Variants in SMIM36 observed in about 807,000 individuals in gnomAD.
SMIM36 encodes the protein small integral membrane protein 36.
chr17:55,468,715 T>C (rs760361261), intron 3 of SMIM36, among the ~76,000 whole-genome samples: 21 of 152,136 alleles, frequency 1.4e-4, no homozygotes, highest in Non-Finnish European at 1.6e-4. Context: ...CTTACCTCCT[T>C]ACTATGGGCA....
At chr17:55,516,175 A>T (rs1321354738), upstream of SMIM36, among the ~76,000 whole-genome samples, 1 of 152,242 alleles carries the variant, frequency 6.6e-6, no homozygotes, top group Non-Finnish European at 1.5e-5. Context: ...AAAAAATATA[A>T]AAACCTACAA....
intron 1 of SMIM36, among the ~76,000 whole-genome samples, chr17:55,484,113 A>G (rs577339244): frequency 7.0e-4 from 107 of 152,322 alleles, no homozygotes; most frequent in East Asian, 6.2e-3. Flanking sequence ...ATAATGATAC[A>G]AAATTTTTTA....
At chr17:55,460,677 G>A (rs1909132385) in intron 4 of SMIM36, among the ~76,000 whole-genome samples, 1 of 152,032 alleles carries the variant, frequency 6.6e-6, no homozygotes, top group Non-Finnish European at 1.5e-5. Flanking sequence ...CTAAAACGGT[G>A]AAACCCATCT....
chr17:55,501,427 AT>A (rs1252999180), intron 1 of SMIM36, among the ~76,000 whole-genome samples: 2 of 45,788 alleles, frequency 4.4e-5, no homozygotes, highest in African/African-American at 1.7e-4. Flanking sequence ...AATATAATAT[AT>A]TATTATATAT....
intron 4 of SMIM36, among the ~76,000 whole-genome samples, chr17:55,453,023 C>A (rs1908949060): frequency 1.3e-5 from 2 of 152,126 alleles, no homozygotes; most frequent in African/African-American, 4.8e-5. Context: ...AATGTGAGAC[C>A]ACGGGCTGGG....
intron 4 of SMIM36, among the ~76,000 whole-genome samples, chr17:55,463,849 C>T (rs1024602597): frequency 3.3e-5 from 5 of 151,888 alleles, no homozygotes; most frequent in Non-Finnish European, 7.4e-5. Flanking sequence ...TGTTGAAGGC[C>T]GGGCACCTGT....
At chr17:55,529,830 A>G in the SMIM36 span, among the ~76,000 whole-genome samples, 2 of 152,178 alleles carry the variant, frequency 1.3e-5, no homozygotes, top group African/African-American at 2.4e-5. Context: ...CACATTTTAT[A>G]TAATACTGAA....
intron 1 of SMIM36, among the ~76,000 whole-genome samples, chr17:55,497,166 A>G (rs1909824120): frequency 6.6e-6 from 1 of 152,054 alleles, no homozygotes; most frequent in Admixed American, 6.6e-5. Flanking sequence ...TTTTACCTCT[A>G]TTCCTCTCAA....
chr17:55,509,638 A>C (rs1910146083), intron 1 of SMIM36, among the ~76,000 whole-genome samples: 1 of 152,184 alleles, frequency 6.6e-6, no homozygotes, highest in East Asian at 1.9e-4. Flanking sequence ...CAAAGATCAT[A>C]TGGCAGGGTC....
At chr17:55,462,143 G>A (rs1168776340) in intron 4 of SMIM36, among the ~76,000 whole-genome samples, 1 of 152,182 alleles carries the variant, frequency 6.6e-6, no homozygotes, top group African/African-American at 2.4e-5. Context: ...TAGATGGATA[G>A]ACTTGGGTTT....
intron 1 of SMIM36, among the ~76,000 whole-genome samples, chr17:55,508,620 C>T (rs1910125754): frequency 6.6e-6 from 1 of 151,310 alleles, no homozygotes; most frequent in Non-Finnish European, 1.5e-5. Context: ...TTTATATTTT[C>T]ATTATAAAAG....
chr17:55,516,599 C>G, the SMIM36 span, among the ~76,000 whole-genome samples: 1 of 142,142 alleles, frequency 7.0e-6, no homozygotes, highest in Non-Finnish European at 1.5e-5. Flanking sequence ...CACTCTGTCA[C>G]CCAGGCTGGA....
At chr17:55,470,757 C>T (rs1284988535) in intron 3 of SMIM36, among the ~76,000 whole-genome samples, 2 of 152,110 alleles carry the variant, frequency 1.3e-5, no homozygotes, top group Non-Finnish European at 2.9e-5. Flanking sequence ...TCTATTCCCT[C>T]CTTGGTGACC....
At chr17:55,498,654 A>G (rs1598456341) in intron 1 of SMIM36, among the ~76,000 whole-genome samples, 1 of 151,690 alleles carries the variant, frequency 6.6e-6, no homozygotes, top group South Asian at 2.1e-4. Flanking sequence ...CTCAAGGTAT[A>G]TATCATTTTT....
chr17:55,461,581 AAC>A (rs1279013157), intron 4 of SMIM36, among the ~76,000 whole-genome samples: 2 of 152,168 alleles, frequency 1.3e-5, no homozygotes, highest in African/African-American at 4.8e-5. Flanking sequence ...CAGCCTGGAC[AAC>A]AGAGTGAAAC....
chr17:55,526,371 C>G, the SMIM36 span, among the ~76,000 whole-genome samples: 1 of 152,022 alleles, frequency 6.6e-6, no homozygotes, highest in Non-Finnish European at 1.5e-5. Flanking sequence ...GTTGGCCAGA[C>G]TGGTCTTGAA....
At chr17:55,479,214 G>A (rs979979223) in intron 2 of SMIM36, among the ~76,000 whole-genome samples, 12 of 152,208 alleles carry the variant, frequency 7.9e-5, no homozygotes, top group African/African-American at 2.4e-4. Context: ...GTATAGGAAT[G>A]GAATGTATCC....
chr17:55,515,093 T>G (rs1910249026), upstream of SMIM36, among the ~76,000 whole-genome samples: 1 of 103,008 alleles, frequency 9.7e-6, no homozygotes, highest in Middle Eastern at 3.9e-3. Context: ...AGTGTTTTTT[T>G]TTTTTTTTTT....
At chr17:55,492,614 C>A in intron 1 of SMIM36, among the ~76,000 whole-genome samples, 1 of 140,936 alleles carries the variant, frequency 7.1e-6, no homozygotes, top group African/African-American at 2.9e-5. Context: ...CAATTTCTAA[C>A]AAATACACCC....
Sources: allele counts gnomAD v4.1 joint callset (sites outside exome capture counted in the v4.1 genomes callset), GRCh38; gene constraint gnomAD v4.1.1; transcripts MANE v1.5; gene names NCBI Gene and HGNC (gene_info 2026-07-23, HGNC 2026-07-21).